Variants in DLG2 observed in about 807,000 individuals in gnomAD.
DLG2 encodes disks large homolog 2.
Under a neutral mutation model 132.5 loss-of-function variants are expected in DLG2, and 45 were observed. The ratio of observed to expected loss-of-function variants is 0.34; its 90% CI spans 0.27 to 0.44. DLG2 has a LOEUF of 0.44. Among genes scored for constraint, DLG2 ranks in the 20% least tolerant of loss-of-function variants. The pLI is 1.00. For synonymous variants in DLG2, 424 were observed against 419.6 expected (o/e 1.01, Z -0.13); for missense variants, 1,045 against 1,196.9 (o/e 0.87, Z 1.87).
chr11:85,416,804 CTT>C (rs920705824), intron 3 of DLG2, among the ~76,000 whole-genome samples: 14 of 152,162 alleles, frequency 9.2e-5, no homozygotes, highest in African/African-American at 3.4e-4. Context: ...TATCCTGAAA[CTT>C]TGCTGAAGTT....
At chr11:85,118,706 AGAG>A (rs1313313597) in intron 5 of DLG2, among the ~76,000 whole-genome samples, 2 of 151,992 alleles carry the variant, frequency 1.3e-5, no homozygotes, top group Admixed American at 1.3e-4. Context: ...CCTAGATAGT[AGAG>A]GAGAGAGTTT....
Position 83,964,715 on chromosome 11 carries a change from T to C in DLG2, c.1201+609A>G, listed in dbSNP as rs1173451070. On this transcript the variant is annotated intron_variant, in intron 13 of 27. Transcript: ENST00000376104. ...ATGAGGCTTATGCAACAGTGGAAATTTGAGGACCCCAGCATAGTCTCATTA... is the reference window on the plus strand; with the variant it reads ...ATGAGGCTTATGCAACAGTGGAAATCTGAGGACCCCAGCATAGTCTCATTA... Among the ~76,000 whole-genome samples, 4 of 151,952 alleles carry C rather than the reference T, an allele frequency of 2.6e-5. No individual in the cohort carries two copies. In the East Asian group the frequency reaches 7.7e-4, roughly 29 times the overall value.
chr11:84,051,584 T>C (rs1280534581), intron 11 of DLG2, among the ~76,000 whole-genome samples: 2 of 122,072 alleles, frequency 1.6e-5, no homozygotes, highest in Non-Finnish European at 3.2e-5. Context: ...TGAGAACACA[T>C]GGATACAGGA....
intron 3 of DLG2, among the ~76,000 whole-genome samples, chr11:85,499,621 A>G (rs551478015): frequency 6.6e-6 from 1 of 152,308 alleles, no homozygotes; most frequent in East Asian, 1.9e-4. Flanking sequence ...CTGATACCAA[A>G]GCCTGGCAGA....
At chr11:84,951,529 C>T (rs543144501) in intron 6 of DLG2, among the ~76,000 whole-genome samples, 6 of 151,320 alleles carry the variant, frequency 4.0e-5, no homozygotes, top group East Asian at 3.9e-4. Context: ...TTATAAATAC[C>T]GACGAGCATT....
chr11:83,469,324 G>A lies in DLG2; in HGVS notation c.2496C>T (p.His832=). ...RDYEVDGRDY[H]FVISREQMEK... is the part of the protein sequence containing the mutation. ...CCATTTGTTCTCTGGAAATGACAAAGTGATAGTCTCTGCCATCCACCTCGT... is the reference window on the plus strand; with the variant it reads ...CCATTTGTTCTCTGGAAATGACAAAATGATAGTCTCTGCCATCCACCTCGT... The change falls in exon 25 of 28, where the codon CAC becomes CAT. Residue 832 remains histidine (H), a synonymous_variant. Coordinates refer to ENST00000376104, the MANE Select transcript of DLG2 (RefSeq NM_001142699.3). 6.2e-7 allele frequency: 1 copy of A among 1,613,742 alleles called. No individual in the cohort carries two copies. The highest frequency in any genetic ancestry group is 1.1e-5 in the South Asian group (1 of 91,028).
chr11:84,754,949 T>C (rs1479067388), intron 6 of DLG2, among the ~76,000 whole-genome samples: 2 of 152,180 alleles, frequency 1.3e-5, no homozygotes, highest in African/African-American at 4.8e-5. Flanking sequence ...CTAAAACTGC[T>C]CTAAAAAATA....
rs976816328 is a variant in DLG2 at position 85,026,793 on chromosome 11, T to C, written c.357+84868A>G. On this transcript the variant is annotated intron_variant, in intron 6 of 27. Transcript: ENST00000376104. ...CAGAGCTTACAGTGAGTTGAGATCA[T>C]GCCACTGCACTCCAGCCTGGGTGAG... is the stretch of plus-strand genomic sequence containing the variant. Among the ~76,000 whole-genome samples, 55 of 151,994 alleles carry C rather than the reference T, an allele frequency of 3.6e-4. 1 individual carries two copies. Among genetic ancestry groups the C allele is most frequent in the Non-Finnish European group, 1.5e-5 (1 of 67,982 alleles).
intron 3 of DLG2, among the ~76,000 whole-genome samples, chr11:85,415,941 G>A (rs191656625): frequency 6.6e-6 from 1 of 152,102 alleles, no homozygotes; most frequent in African/African-American, 2.4e-5. Flanking sequence ...ATGAAGTCTT[G>A]GCCCATGCCT....
intron 18 of DLG2, among the ~76,000 whole-genome samples, chr11:83,776,313 CTTTATTT>C (rs2094582461): frequency 6.6e-6 from 1 of 152,106 alleles, no homozygotes; most frequent in African/African-American, 2.4e-5. Flanking sequence ...TGCCACCCCT[CTTTATTT>C]TTTATTTTAC....
intron 6 of DLG2, among the ~76,000 whole-genome samples, chr11:85,080,060 C>T (rs2067044442): frequency 6.6e-6 from 1 of 152,080 alleles, no homozygotes; most frequent in African/African-American, 2.4e-5. Context: ...ATTTAGGCAT[C>T]TATGTGTCTA....
intron 7 of DLG2, among the ~76,000 whole-genome samples, chr11:84,289,542 C>A (rs770960646): frequency 6.6e-6 from 1 of 152,046 alleles, no homozygotes. Flanking sequence ...AAAGGTAATT[C>A]TTTTAGGTCT....
rs184147583 is a variant in DLG2, at chr11:84,812,036, C to T, written c.358-277305G>A. ...TTATAATTCCACAGTTATTCTCTGT[C>T]TACCATGTGTAAGTCATTATTCTAG... On this transcript the variant is annotated intron_variant, in intron 6 of 27. Coordinates refer to ENST00000376104, the MANE Select transcript of DLG2 (RefSeq NM_001142699.3). 7.8e-4 allele frequency among the ~76,000 whole-genome samples: 119 copies of T among 152,198 alleles called. 1 individual carries two copies. The highest frequency in any genetic ancestry group is 6.6e-3 in the South Asian group (32 of 4,822).
chr11:83,982,539 T>C (rs1342919320), intron 11 of DLG2, among the ~76,000 whole-genome samples: 1 of 151,660 alleles, frequency 6.6e-6, no homozygotes. Context: ...AGAAAATACT[T>C]TGTATAGCTG....
intron 18 of DLG2, among the ~76,000 whole-genome samples, chr11:83,716,711 AT>A (rs905158467): frequency 2.6e-5 from 4 of 151,766 alleles, no homozygotes; most frequent in African/African-American, 9.7e-5. Context: ...TGGAAAAGAG[AT>A]TTTTTTTTCT....
chr11:84,893,272 C>G (rs1943719), intron 6 of DLG2, among the ~76,000 whole-genome samples: 14,696 of 152,142 alleles, frequency 0.097, 938 homozygotes, highest in African/African-American at 0.18. Flanking sequence ...ATCAAGAGTT[C>G]GACCCTGCAT....
At chr11:83,472,600 T>G in intron 23 of DLG2, 127 bp downstream of exon 23, 1 of 748,598 alleles carries the variant, frequency 1.3e-6, no homozygotes. Context: ...AAGAGTAAGG[T>G]ACGGTCTCAA....
intron 8 of DLG2, among the ~76,000 whole-genome samples, chr11:84,222,125 T>C (rs569023854): frequency 1.3e-5 from 2 of 152,096 alleles, no homozygotes; most frequent in South Asian, 4.1e-4. Flanking sequence ...CTCCACCTCC[T>C]GGGTTCAAGC....
chr11:84,099,701 A>C (rs944194075), intron 9 of DLG2, among the ~76,000 whole-genome samples: 2 of 149,352 alleles, frequency 1.3e-5, no homozygotes, highest in African/African-American at 4.9e-5. Context: ...CTTTACACTT[A>C]CTCCTGTAGA....
Sources: gnomAD v4.1 joint callset for allele counts (sites outside exome capture counted in the v4.1 genomes callset) on GRCh38, gnomAD v4.1.1 for gene constraint, MANE v1.5 for transcripts, NCBI Gene and HGNC (gene_info 2026-07-23, HGNC 2026-07-21) for gene names.